Variants in LYG1 observed in about 807,000 individuals in gnomAD.
LYG1 encodes the protein lysozyme g-like protein 1.
Under a neutral mutation model 21.7 loss-of-function variants are expected in LYG1, and 17 were observed. The ratio of observed to expected loss-of-function variants is 0.78; its 90% confidence interval spans 0.54 to 1.18. The LOEUF (loss-of-function observed/expected upper bound fraction) is 1.18, where lower values mean the gene tolerates loss of function less well. Ranked by LOEUF, LYG1 falls within the 50% of genes most tolerant of loss-of-function variation. The probability of loss-of-function intolerance (pLI) is 0.00; values close to 1 mark genes in which losing one functional copy is unlikely to be tolerated. For synonymous variants in LYG1, 81 were observed against 87.4 expected (o/e 0.93, Z 0.41); for missense variants, 211 against 238.1 (o/e 0.89, Z 0.75).
At chr2:99,292,878 G>A (rs1478430976) in intron 3 of LYG1, among the ~76,000 whole-genome samples, 2 of 151,720 alleles carry the variant, frequency 1.3e-5, no homozygotes, top group African/African-American at 2.4e-5. Context: ...TGGAGCTATT[G>A]AAGCAGTTAC....
At chr2:99,301,532 T>G (rs2094154435), upstream of LYG1, among the ~76,000 whole-genome samples, 1 of 128,022 alleles carries the variant, frequency 7.8e-6, no homozygotes, top group African/African-American at 2.9e-5. Context: ...GAATTGAACT[T>G]GGTGTGTCAG....
chr2:99,287,652 T>C (rs993271362), intron 5 of LYG1, among the ~76,000 whole-genome samples: 4 of 152,174 alleles, frequency 2.6e-5, no homozygotes, highest in African/African-American at 9.7e-5. Flanking sequence ...TTTTAGTTAT[T>C]TTTAAGTTTC....
intron 5 of LYG1, among the ~76,000 whole-genome samples, chr2:99,289,005 G>A (rs1462996348): frequency 2.0e-5 from 3 of 152,096 alleles, no homozygotes; most frequent in South Asian, 2.1e-4. Flanking sequence ...AATGTGGTCC[G>A]GGAACCAGCA....
intron 5 of LYG1, among the ~76,000 whole-genome samples, chr2:99,290,791 T>C (rs2094115815): frequency 6.6e-6 from 1 of 152,210 alleles, no homozygotes; most frequent in Non-Finnish European, 1.5e-5. Flanking sequence ...AAATTTAACA[T>C]TTTTTGAGAA....
At chr2:99,287,639 C>T (rs974206243) in intron 5 of LYG1, among the ~76,000 whole-genome samples, 1 of 151,738 alleles carries the variant, frequency 6.6e-6, no homozygotes, top group African/African-American at 2.4e-5. Flanking sequence ...CTCTATCATC[C>T]TGTTTTAGTT....
At chr2:99,296,279 C>T (rs2094136180) in intron 2 of LYG1, among the ~76,000 whole-genome samples, 1 of 152,132 alleles carries the variant, frequency 6.6e-6, no homozygotes, top group Admixed American at 6.6e-5. Flanking sequence ...CCCATTCCCC[C>T]TCTGTAAAAC....
chr2:99,297,875 CA>C (rs2094141483), intron 2 of LYG1, among the ~76,000 whole-genome samples: 1 of 152,116 alleles, frequency 6.6e-6, no homozygotes, highest in African/African-American at 2.4e-5. Flanking sequence ...CCACCATGCC[CA>C]GATAATTTTT....
intron 3 of LYG1, 110 bp downstream of exon 3, chr2:99,295,518 G>A: frequency 1.5e-6 from 2 of 1,330,632 alleles, no homozygotes; most frequent in Middle Eastern, 1.8e-4. Flanking sequence ...GGACAGTTTA[G>A]GGAAAAAATA....
At chr2:99,303,929 T>C (rs1417334158), upstream of LYG1, among the ~76,000 whole-genome samples, 1 of 152,074 alleles carries the variant, frequency 6.6e-6, no homozygotes, top group Non-Finnish European at 1.5e-5. Flanking sequence ...CCCAGCACTT[T>C]GGGAGGCCCA....
chr2:99,294,894 G>C (rs1282497708), intron 3 of LYG1, among the ~76,000 whole-genome samples: 1 of 152,160 alleles, frequency 6.6e-6, no homozygotes, highest in Non-Finnish European at 1.5e-5. Context: ...ACGAGGTCAA[G>C]AGTTTGAGAC....
intron 5 of LYG1, among the ~76,000 whole-genome samples, chr2:99,286,699 T>C (rs1435668379): frequency 1.3e-5 from 2 of 152,064 alleles, no homozygotes; most frequent in African/African-American, 4.8e-5. Context: ...AGTGAGACTG[T>C]CTCAAAAAAT....
chr2:99,292,284 C>A (rs1179456373), intron 4 of LYG1, among the ~76,000 whole-genome samples: 1 of 151,492 alleles, frequency 6.6e-6, no homozygotes, highest in South Asian at 2.1e-4. Context: ...AAACTTATCT[C>A]AAAAAAAATA....
In LYG1 at chr2:99,292,766, T is replaced by C. The variant is rs373072450; in HGVS notation, c.44-126A>G. ...CCATTACATCACCTTCACTCTGCAA[T>C]TGAAACTCTTGAAATTTAAATGAGA... On this transcript the variant is annotated intron_variant, in intron 3 of 6. Transcript: ENST00000308528. The C allele has an allele frequency of 3.8e-5, 24 of 637,810 alleles. No individual in the cohort carries two copies. The East Asian group carries it at 4.7e-4, about 12-fold the overall frequency. 39.5% of individuals were successfully genotyped at this position (637,810 alleles called of 1,614,324 possible). A position where few individuals can be genotyped will look rare whatever the true frequency, so the allele number is the denominator to read the frequency against.
chr2:99,291,503 T>G, intron 4 of LYG1, 82 bp from the exon 5 acceptor site: 8 of 1,418,840 alleles, frequency 5.6e-6, no homozygotes, highest in South Asian at 1.3e-5. Context: ...GAAAGAACAA[T>G]CCAAGGATCT....
intron 1 of LYG1, among the ~76,000 whole-genome samples, chr2:99,299,280 TTTTC>T (rs1181498066): frequency 6.6e-6 from 1 of 150,594 alleles, no homozygotes; most frequent in Non-Finnish European, 1.5e-5. Flanking sequence ...CTTTTTCTTT[TTTTC>T]TTTTTTTTTT....
Position 99,284,325 on chromosome 2 carries a change from G to A in LYG1, c.*68C>T. 7.3e-7 allele frequency: 1 copy of A among 1,360,944 alleles called. No homozygotes were observed. The highest frequency in any genetic ancestry group is 1.0e-6 in the Non-Finnish European group (1 of 965,798). 84.3% of individuals were successfully genotyped at this position (1,360,944 alleles called of 1,614,324 possible). ...CAGATTCCCAGTTACAGGTGCCCTT[G>A]GCTAGTTTTATCTGTGTAACATTTG... On this transcript the variant is annotated 3_prime_UTR_variant, in exon 7 of 7. Coordinates refer to ENST00000308528, the MANE Select transcript of LYG1 (RefSeq NM_174898.3).
chr2:99,303,046 C>T (rs1437959344), upstream of LYG1, among the ~76,000 whole-genome samples: 1 of 150,184 alleles, frequency 6.7e-6, no homozygotes, highest in Non-Finnish European at 1.5e-5. Context: ...TTTTGTTTTT[C>T]TCTACTTGTG....
At chr2:99,297,475 T>A (rs1489431420) in intron 2 of LYG1, among the ~76,000 whole-genome samples, 1 of 152,084 alleles carries the variant, frequency 6.6e-6, no homozygotes, top group Non-Finnish European at 1.5e-5. Flanking sequence ...AAAGAAAAAA[T>A]ACTTCCTCTT....
chr2:99,291,100 CAGGCAG>C (rs2094116720), intron 5 of LYG1, 131 bp downstream of exon 5: 1 of 736,556 alleles, frequency 1.4e-6, no homozygotes, highest in South Asian at 2.2e-5. Flanking sequence ...TCATATCTCT[CAGGCAG>C]AACTGTCACT....
Sources: allele counts gnomAD v4.1 joint callset (sites outside exome capture counted in the v4.1 genomes callset), GRCh38; gene constraint gnomAD v4.1.1; transcripts MANE v1.5; gene names NCBI Gene and HGNC (gene_info 2026-07-23, HGNC 2026-07-21).